MYO9A: variants seen among roughly 807,000 people sequenced by gnomAD.
MYO9A encodes the protein unconventional myosin-IXa.
In MYO9A, 103 loss-of-function variants were observed where a neutral mutation model predicts 293.3. The ratio of observed to expected loss-of-function variants is 0.35; its 90% CI spans 0.30 to 0.41. The LOEUF (loss-of-function observed/expected upper bound fraction) is 0.41, where lower values mean the gene tolerates loss of function less well. Among genes scored for constraint, MYO9A ranks in the 10% least tolerant of loss-of-function variants. MYO9A has a pLI of 1.00. For synonymous variants in MYO9A, 1,001 were observed against 1,035.7 expected (o/e 0.97, Z 0.64); for missense variants, 2,685 against 3,033.0 (o/e 0.89, Z 2.69).
intron 1 of MYO9A, among the ~76,000 whole-genome samples, chr15:72,077,888 A>G (rs1417982662): frequency 1.3e-5 from 2 of 151,886 alleles, no homozygotes; most frequent in African/African-American, 2.4e-5. Context: ...ACATCCCACC[A>G]AAGAAGATAT....
intron 33 of MYO9A, 77 bp downstream of exon 33, chr15:71,862,423 A>G: frequency 8.8e-7 from 1 of 1,137,888 alleles, no homozygotes; most frequent in Non-Finnish European, 1.3e-6. Context: ...CCTTTATGTT[A>G]AAGGAGATAT....
Position 71,898,033 on chromosome 15 carries a change from T to C in MYO9A, c.4470A>G (p.Leu1490=). Residue 1490 remains leucine (L), a synonymous_variant, in exon 25 of 42, where the codon TTA becomes TTG. Coordinates refer to ENST00000356056, the MANE Select transcript of MYO9A (RefSeq NM_006901.4). ...CTTCCTTCTCAGTGTTTAGCTTTTC[T>C]AACTTCTTAAGCACAGGATTAGAAG... is the stretch of plus-strand genomic sequence containing the variant. The part of the protein sequence containing the change: ...TESSNPVLKK[L]EKLNTEKEER... 6.2e-7 allele frequency: 1 copy of C among 1,614,188 alleles called. No individual in the cohort carries two copies. The highest frequency in any genetic ancestry group is 1.6e-4 in the Middle Eastern group (1 of 6,062).
At chr15:71,949,068 A>T (rs555592028) in intron 15 of MYO9A, among the ~76,000 whole-genome samples, 4 of 152,178 alleles carry the variant, frequency 2.6e-5, no homozygotes, top group South Asian at 4.2e-4. Context: ...TAATATGTGT[A>T]TCTTTTCCAG....
At chr15:72,023,283 A>G (rs2077558405) in intron 4 of MYO9A, among the ~76,000 whole-genome samples, 1 of 152,232 alleles carries the variant, frequency 6.6e-6, no homozygotes, top group Non-Finnish European at 1.5e-5. Context: ...AAGAAAAAAT[A>G]AAATGGAGAC....
At chr15:72,099,909 C>CAAAAAA (rs34892673) in intron 1 of MYO9A, among the ~76,000 whole-genome samples, 6 of 39,692 alleles carry the variant, frequency 1.5e-4, no homozygotes, top group Non-Finnish European at 2.0e-4. Context: ...GACTTGGTCT[C>CAAAAAA]AAAAAAAAAA....
rs1488311670 is a variant in MYO9A, at chr15:71,861,841, G to A, written c.6091+659C>T. On this transcript the variant is annotated intron_variant, in intron 33 of 41. Coordinates refer to ENST00000356056, the MANE Select transcript of MYO9A (RefSeq NM_006901.4). ...TCTAAGTGAAAGAACAGAGAATTTCGGAGGCTGGAGGGGCGGGCGCAGTGG... is the reference window on the plus strand; with the variant it reads ...TCTAAGTGAAAGAACAGAGAATTTCAGAGGCTGGAGGGGCGGGCGCAGTGG... Among the ~76,000 whole-genome samples, 3 of 152,038 alleles carry A rather than the reference G, an allele frequency of 2.0e-5. No individual in the cohort carries two copies. The East Asian group carries it at 5.8e-4, about 29-fold the overall frequency.
intron 1 of MYO9A, among the ~76,000 whole-genome samples, chr15:72,107,564 A>T (rs1278207393): frequency 2.0e-5 from 3 of 151,702 alleles, no homozygotes; most frequent in African/African-American, 4.8e-5. Flanking sequence ...TCCAAAAAAT[A>T]TTTTTTTTAA....
At chr15:71,966,761 T>G (rs1441135724) in intron 13 of MYO9A, among the ~76,000 whole-genome samples, 36 of 152,228 alleles carry the variant, frequency 2.4e-4, no homozygotes, top group Admixed American at 2.4e-3. Flanking sequence ...TCTTCCAGAT[T>G]CCACTCTTAC....
In MYO9A at chr15:71,848,906, C is replaced by CTGAT; in HGVS notation, c.6772_6775dup (p.Ser2259AsnfsTer3). 6.2e-7 allele frequency: 1 copy of CTGAT among 1,612,852 alleles called. No homozygotes were observed. The highest frequency in any genetic ancestry group is 8.5e-7 in the Non-Finnish European group (1 of 1,179,724). On this transcript the variant is annotated frameshift_variant, in exon 39 of 42. Coordinates refer to ENST00000356056, the MANE Select transcript of MYO9A (RefSeq NM_006901.4). LOFTEE classifies it high-confidence loss of function. ...CTTATTCTCAGCAAATTCCAAGCTA[C>CTGAT]TGATATCTTTGAGACGAGCCTTGTA...
chr15:72,012,388 G>A (rs1408952860), intron 6 of MYO9A, among the ~76,000 whole-genome samples: 9 of 152,006 alleles, frequency 5.9e-5, no homozygotes, highest in African/African-American at 9.7e-5. Context: ...TCTGCCTCCC[G>A]GGTTCAAGCA....
rs573840770 is a variant in MYO9A, at chr15:72,013,195, A to ATG, written c.1156-2750_1156-2749dup. 6.8e-4 allele frequency among the ~76,000 whole-genome samples: 103 copies of ATG among 152,352 alleles called. 1 individual carries two copies. Among genetic ancestry groups the ATG allele is most frequent in the Admixed American group, 2.2e-3 (33 of 15,298 alleles). On this transcript the variant is annotated intron_variant, in intron 6 of 41. Transcript: ENST00000356056. The stretch of plus-strand genomic sequence containing the variant: ...TGCTAACTACTATGAAAGTAGTTAA[A>ATG]TGGAGTTTAATCCCAAGGTTATCTC...
At chr15:72,077,562 C>T (rs1405823587) in intron 1 of MYO9A, among the ~76,000 whole-genome samples, 1 of 151,122 alleles carries the variant, frequency 6.6e-6, no homozygotes, top group Non-Finnish European at 1.5e-5. Context: ...TGTGGTGGTG[C>T]ATGCCTATAA....
chr15:71,893,576 G>A (rs2057238759), intron 26 of MYO9A, 103 bp downstream of exon 26: 2 of 846,210 alleles, frequency 2.4e-6, no homozygotes, highest in African/African-American at 1.7e-5. Flanking sequence ...ACACTTGGGA[G>A]TAAATGGGTA....
At chr15:71,993,661 A>C (rs914143314) in intron 10 of MYO9A, 1 of 152,152 alleles carries the variant, frequency 6.6e-6, no homozygotes, top group African/African-American at 2.4e-5. Flanking sequence ...AATTTTCAAA[A>C]TGTATCTATC....
At chr15:71,956,440 ACCAGTCTGG>A (rs925066898) in intron 14 of MYO9A, among the ~76,000 whole-genome samples, 2 of 147,170 alleles carry the variant, frequency 1.4e-5, no homozygotes, top group Non-Finnish European at 1.5e-5. Flanking sequence ...GGAGTTGAAG[ACCAGTCTGG>A]CCAACATAGT....
intron 38 of MYO9A, 128 bp downstream of exon 38, chr15:71,849,908 A>G: frequency 5.4e-6 from 6 of 1,117,532 alleles, no homozygotes; most frequent in Non-Finnish European, 6.4e-6. Flanking sequence ...AAAACCCAGC[A>G]GTGTCCAACA....
Position 71,902,971 on chromosome 15 carries a change from ATTAAGAT to A in MYO9A, c.2963_2969del (p.Asn988IlefsTer14). 1 of 1,584,606 alleles carries A rather than the reference ATTAAGAT, an allele frequency of 6.3e-7. No individual in the cohort carries two copies. The highest frequency in any genetic ancestry group is 8.7e-7 in the Non-Finnish European group (1 of 1,155,864). On this transcript the variant is annotated frameshift_variant, in exon 22 of 42. Transcript: ENST00000356056. LOFTEE classifies it high-confidence loss of function. ...TTTTTCCAACTTGATAATTATCTGG[ATTAAGAT>A]TTATTTTCCTGAAGAAATCCTGAAT...
intron 18 of MYO9A, among the ~76,000 whole-genome samples, chr15:71,924,553 A>AT (rs1201758284): frequency 3.9e-5 from 6 of 151,948 alleles, no homozygotes; most frequent in Non-Finnish European, 8.8e-5. Flanking sequence ...CCAATTTGAA[A>AT]TTTTTTTAAC....
intron 11 of MYO9A, among the ~76,000 whole-genome samples, chr15:71,989,851 C>A (rs2076493370): frequency 6.6e-6 from 1 of 152,084 alleles, no homozygotes. Flanking sequence ...CATAGTGACA[C>A]CTTGTCTCTA....
Sources: allele counts gnomAD v4.1 joint callset (sites outside exome capture counted in the v4.1 genomes callset), GRCh38; gene constraint gnomAD v4.1.1; transcripts MANE v1.5; gene names NCBI Gene and HGNC (gene_info 2026-07-23, HGNC 2026-07-21).